ILRUN: variants seen among roughly 807,000 people sequenced by gnomAD.
ILRUN encodes the protein inflammation and lipid regulator with UBA-like and NBR1-like domains, also known as protein ILRUN.
ILRUN carries 3 observed loss-of-function variants against 33.8 expected under a neutral mutation model. That is an observed-to-expected ratio of 0.09 (90% confidence interval 0.04 to 0.23). The LOEUF is 0.23. Among genes scored for constraint, ILRUN ranks in the 10% least tolerant of loss-of-function variants. The pLI, the probability that ILRUN is intolerant of heterozygous loss-of-function variation, is 1.00. For missense variants in ILRUN, 210 were observed against 375.1 expected (o/e 0.56, Z 3.64); for synonymous variants, 124 against 138.9 (o/e 0.89, Z 0.75).
intron 4 of ILRUN, among the ~76,000 whole-genome samples, chr6:34,605,742 T>C (rs763058429): frequency 1.3e-5 from 2 of 152,222 alleles, no homozygotes; most frequent in African/African-American, 2.4e-5. Context: ...AAATTTAAGG[T>C]GAACGCCAAC....
intron 2 of ILRUN, among the ~76,000 whole-genome samples, chr6:34,650,637 G>C (rs1762646405): frequency 6.6e-6 from 1 of 151,858 alleles, no homozygotes; most frequent in South Asian, 2.1e-4. Flanking sequence ...TTTTAGTAGA[G>C]ATGGGGTTTC....
chr6:34,696,517 G>T lies in ILRUN; in HGVS notation c.87C>A (p.Ser29=), dbSNP rs776560684. The T allele has an allele frequency of 6.2e-7, 1 of 1,613,112 alleles. No homozygotes were observed. The highest frequency in any genetic ancestry group is 8.5e-7 in the Non-Finnish European group (1 of 1,179,764). ...GGAAGCCGAGCAGCCTCTGGAACTC[G>T]GAGATGAGCACGTCCTTGTCGGTGG... is the stretch of plus-strand genomic sequence containing the variant. ...LGTTDKDVLI[S]EFQRLLGFQL... is the part of the protein sequence containing the mutation. Residue 29 remains serine (S), a synonymous_variant, in exon 1 of 5, where the codon TCC becomes TCA. Coordinates refer to ENST00000374023, the MANE Select transcript of ILRUN (RefSeq NM_024294.4).
chr6:34,617,381 G>A (rs1351365545), intron 3 of ILRUN: 4 of 294,446 alleles, frequency 1.4e-5, no homozygotes, highest in Non-Finnish European at 2.6e-5. Context: ...TCTTAGAACT[G>A]CTAAGGCAGC....
chr6:34,683,487 C>CATATATATACATAT (rs1763441425), intron 1 of ILRUN, among the ~76,000 whole-genome samples: 1 of 81,884 alleles, frequency 1.2e-5, no homozygotes, highest in South Asian at 3.2e-4. Context: ...TATATATATA[C>CATATATATACATAT]ATATATATAT....
At chr6:34,683,509 TATATAC>T (rs1295740925) in intron 1 of ILRUN, among the ~76,000 whole-genome samples, 1 of 81,458 alleles carries the variant, frequency 1.2e-5, no homozygotes, top group Non-Finnish European at 2.2e-5. Context: ...CATATATATA[TATATAC>T]ATATATATAT....
intron 2 of ILRUN, among the ~76,000 whole-genome samples, chr6:34,654,353 C>A (rs1762729638): frequency 6.6e-6 from 1 of 152,056 alleles, no homozygotes; most frequent in African/African-American, 2.4e-5. Context: ...AGTCTAGTTC[C>A]TAGTAACAAA....
chr6:34,627,105 T>G (rs923079493), intron 3 of ILRUN, among the ~76,000 whole-genome samples: 2 of 152,184 alleles, frequency 1.3e-5, no homozygotes, highest in Non-Finnish European at 2.9e-5. Context: ...CACTGATGCT[T>G]TTACTGTCTC....
At chr6:34,672,228 G>C (rs1013754852) in intron 1 of ILRUN, among the ~76,000 whole-genome samples, 1 of 152,006 alleles carries the variant, frequency 6.6e-6, no homozygotes, top group Non-Finnish European at 1.5e-5. Flanking sequence ...CGAGAACCTG[G>C]AACTACAGGT....
At chr6:34,681,433 G>A (rs928040451) in intron 1 of ILRUN, among the ~76,000 whole-genome samples, 2 of 151,990 alleles carry the variant, frequency 1.3e-5, no homozygotes, top group African/African-American at 2.4e-5. Flanking sequence ...AGTGAAAAAC[G>A]TATTCATCTT....
At chr6:34,682,261 T>G (rs9469844) in intron 1 of ILRUN, among the ~76,000 whole-genome samples, 3 of 96,586 alleles carry the variant, frequency 3.1e-5, no homozygotes, top group African/African-American at 1.2e-4. Flanking sequence ...GTTTTTTTTT[T>G]TTTTTTTTTT....
chr6:34,648,568 G>A (rs1045747303), intron 2 of ILRUN, among the ~76,000 whole-genome samples: 2 of 152,192 alleles, frequency 1.3e-5, no homozygotes, highest in Non-Finnish European at 2.9e-5. Flanking sequence ...TGGAGGAAAG[G>A]CTGTGGATGA....
At chr6:34,604,952 T>C (rs1014219434) in intron 4 of ILRUN, among the ~76,000 whole-genome samples, 3 of 152,238 alleles carry the variant, frequency 2.0e-5, no homozygotes, top group Non-Finnish European at 4.4e-5. Context: ...TACTAGACCA[T>C]GTGAAAGAGG....
chr6:34,678,588 C>T (rs993615225), intron 1 of ILRUN, among the ~76,000 whole-genome samples: 1 of 151,700 alleles, frequency 6.6e-6, no homozygotes, highest in Middle Eastern at 3.2e-3. Context: ...TGGCTCACAC[C>T]TGTAATCCCA....
chr6:34,659,269 T>G (rs1268819163), intron 1 of ILRUN, among the ~76,000 whole-genome samples: 1 of 152,212 alleles, frequency 6.6e-6, no homozygotes, highest in Non-Finnish European at 1.5e-5. Context: ...TAACCCGAAC[T>G]GGAGAAGAAT....
intron 3 of ILRUN, among the ~76,000 whole-genome samples, chr6:34,625,846 CTTT>C (rs58219612): frequency 0.031 from 3,580 of 114,178 alleles, 66 homozygotes; most frequent in African/African-American, 0.095. Context: ...TATTGAAAGG[CTTT>C]TTTTTTTTTT....
rs770331439 is a variant in ILRUN at position 34,590,558 on chromosome 6, C to T, written c.*7G>A. ...TTTTGTTAATTTTTCTTCTTGCTGA[C>T]ACCCGTTTAAGACTGGCCGAAGGGG... On this transcript the variant is annotated 3_prime_UTR_variant, in exon 5 of 5. Transcript: ENST00000374023. The T allele has an allele frequency of 6.2e-7, 1 of 1,614,022 alleles. No individual in the cohort carries two copies. Among genetic ancestry groups the T allele is most frequent in the Non-Finnish European group, 8.5e-7 (1 of 1,179,910 alleles).
At chr6:34,628,158 C>A (rs1372948092) in intron 3 of ILRUN, among the ~76,000 whole-genome samples, 1 of 151,776 alleles carries the variant, frequency 6.6e-6, no homozygotes, top group African/African-American at 2.4e-5. Flanking sequence ...GTAGCTGGGA[C>A]TACAGGCACA....
At chr6:34,680,851 A>C (rs900291858) in intron 1 of ILRUN, among the ~76,000 whole-genome samples, 1 of 151,914 alleles carries the variant, frequency 6.6e-6, no homozygotes, top group Non-Finnish European at 1.5e-5. Context: ...AAAAGGCTTT[A>C]GAACAGGAAA....
At chr6:34,620,519 GTTAACAT>G (rs1286356109) in intron 3 of ILRUN, among the ~76,000 whole-genome samples, 1 of 152,156 alleles carries the variant, frequency 6.6e-6, no homozygotes, top group Non-Finnish European at 1.5e-5. Context: ...ACTAAGATGT[GTTAACAT>G]TTAATATTGC....
Sources: gnomAD v4.1 joint callset for allele counts (sites outside exome capture counted in the v4.1 genomes callset) on GRCh38, gnomAD v4.1.1 for gene constraint, MANE v1.5 for transcripts, NCBI Gene and HGNC (gene_info 2026-07-23, HGNC 2026-07-21) for gene names.